SLC66A1: variants seen among roughly 807,000 people sequenced by gnomAD.
The protein encoded by SLC66A1 is lysosomal amino acid transporter 1 homolog.
A neutral mutation model predicts 33.0 loss-of-function variants in SLC66A1; 23 were observed. The ratio of observed to expected loss-of-function variants is 0.70; its 90% CI spans 0.50 to 0.99. SLC66A1 has a LOEUF of 0.99. SLC66A1 is among the 50% of genes least tolerant of loss of function. The pLI is 0.00. For synonymous variants in SLC66A1, 164 were observed against 175.5 expected, an observed-to-expected ratio of 0.93 and a Z score of 0.52; for missense variants, 335 against 383.6, an observed-to-expected ratio of 0.87 and a Z score of 1.06.
At chr1:19,327,550 T>TCCCCCCCC in intron 7 of SLC66A1, 138 bp downstream of exon 7, 2 of 827,712 alleles carry the variant, frequency 2.4e-6, no homozygotes, top group Admixed American at 4.1e-5. Flanking sequence ...CCTCCCTCCC[T>TCCCCCCCC]CCCTCCATCT....
At chr1:19,322,772 G>C (rs1485471656) in intron 2 of SLC66A1, among the ~76,000 whole-genome samples, 1 of 152,186 alleles carries the variant, frequency 6.6e-6, no homozygotes, top group African/African-American at 2.4e-5. Context: ...GGCGAGCCTG[G>C]GGCCTTGCAA....
rs931403409 is a variant in SLC66A1 at position 19,328,776 on chromosome 1, C to T, written c.*133C>T. On this transcript the variant is annotated 3_prime_UTR_variant, in exon 8 of 8. Transcript: ENST00000375153. The surrounding 1 kb of genome is among the most constrained non-coding windows in gnomAD (Gnocchi z 4.7). Reference sequence around the variant, plus strand: ...CCTCTGGATCCTCCGTGGACCGAACCGTCCCCCCAGGAACACACCTTCAGG... The same window carrying T: ...CCTCTGGATCCTCCGTGGACCGAACTGTCCCCCCAGGAACACACCTTCAGG... 2.0e-6 allele frequency: 2 copies of T among 977,578 alleles called. No individual in the cohort carries two copies. The highest frequency in any genetic ancestry group is 2.6e-5 in the East Asian group (1 of 38,018). The allele number at this position is 977,578 out of a possible 1,614,324, so 60.6% of individuals were successfully genotyped here. A position where few individuals can be genotyped will look rare whatever the true frequency, so the allele number is the denominator to read the frequency against.
intron 1 of SLC66A1, chr1:19,313,136 G>A (rs931980633): frequency 1.9e-5 from 17 of 916,202 alleles, no homozygotes; most frequent in African/African-American, 3.6e-5. Flanking sequence ...TAGGTGGTGG[G>A]TATTGCATTA....
intron 2 of SLC66A1, among the ~76,000 whole-genome samples, chr1:19,319,603 A>ATTT (rs1472435408): frequency 2.0e-5 from 1 of 51,088 alleles, no homozygotes; most frequent in African/African-American, 1.0e-4. Flanking sequence ...GTGCACATTC[A>ATTT]TGTTTTTTTT....
intron 3 of SLC66A1, 119 bp downstream of exon 3, chr1:19,324,881 C>A: frequency 7.3e-7 from 1 of 1,372,260 alleles, no homozygotes; most frequent in Non-Finnish European, 9.8e-7. Flanking sequence ...ACCCGTCATT[C>A]CATCTTGTGG....
At chr1:19,331,332 C>T (rs1384317622), downstream of SLC66A1, among the ~76,000 whole-genome samples, 1 of 152,048 alleles carries the variant, frequency 6.6e-6, no homozygotes, top group African/African-American at 2.4e-5. Context: ...TTTTTATGGC[C>T]ATTTTACAGA....
downstream of SLC66A1, among the ~76,000 whole-genome samples, chr1:19,332,183 T>G (rs920721599): frequency 2.0e-5 from 3 of 152,190 alleles, no homozygotes; most frequent in Non-Finnish European, 4.4e-5. Flanking sequence ...GGTGACATTC[T>G]GATGCTGGAG....
At chr1:19,333,321 C>T (rs900942480), downstream of SLC66A1, among the ~76,000 whole-genome samples, 1 of 152,152 alleles carries the variant, frequency 6.6e-6, no homozygotes, top group African/African-American at 2.4e-5. This position sits in a 1 kb window ranked among gnomAD's most constrained non-coding sequence, Gnocchi z 4.2. Flanking sequence ...GATCCTCCCA[C>T]TTGAGTGCCA....
At chr1:19,315,879 C>T (rs540952714) in intron 1 of SLC66A1, among the ~76,000 whole-genome samples, 18 of 152,226 alleles carry the variant, frequency 1.2e-4, no homozygotes, top group Non-Finnish European at 2.1e-4. Context: ...GGCTGGGTGG[C>T]GCTGGCACAT....
chr1:19,326,163 C>A lies in SLC66A1; in HGVS notation c.383-82C>A, dbSNP rs959570133. On this transcript the variant is annotated intron_variant, in intron 4 of 7. Transcript: ENST00000375153. ...CCAAGGTCACACAGCCCCTGAGGGG[C>A]AAGGCCAGGACTTAGCACCCTCCCC... The A allele has an allele frequency of 4.4e-6, 6 of 1,374,110 alleles. No individual in the cohort carries two copies. In the Admixed American group the frequency reaches 8.0e-5, roughly 18 times the overall value. 85.1% of individuals were successfully genotyped at this position (1,374,110 alleles called of 1,614,324 possible).
Position 19,326,605 on chromosome 1 carries a change from G to T in SLC66A1, c.600G>T (p.Leu200=), listed in dbSNP as rs562769354. Residue 200 remains leucine, a synonymous_variant, in exon 6 of 8, where the codon CTG becomes CTT. Coordinates refer to ENST00000375153, the MANE Select transcript of SLC66A1 (RefSeq NM_001040125.2). ...GCGTGTTGTACCTGCTTTCCCGGCT[G>T]CCTCAGATCCGCACCAACGTGAGCC... The part of the protein sequence containing the change: ...ISSVLYLLSR[L]PQIRTNFLRK... 2 of 1,614,104 alleles carry T rather than the reference G, an allele frequency of 1.2e-6. No individual in the cohort carries two copies. Among genetic ancestry groups the T allele is most frequent in the African/African-American group, 2.7e-5 (2 of 74,950 alleles).
intron 1 of SLC66A1, among the ~76,000 whole-genome samples, chr1:19,316,209 G>T (rs1168335014): frequency 6.6e-6 from 1 of 152,162 alleles, no homozygotes; most frequent in African/African-American, 2.4e-5. Flanking sequence ...CCTGCTGTTA[G>T]GCATCCCCCC....
chr1:19,327,661 C>T (rs1302039464), intron 7 of SLC66A1: 1 of 689,946 alleles, frequency 1.4e-6, no homozygotes, highest in Admixed American at 2.0e-5. Flanking sequence ...AAGCTTACAG[C>T]CCAGCGGGGC....
Position 19,326,536 on chromosome 1 carries a change from CA to C in SLC66A1, c.532del (p.Thr178ProfsTer46). Reference protein sequence around the residue: ...LSVESGSKPFTRQEVIGFVIG... With the variant: ...LSVESGSKPFXRQEVIGFVIG... ...TGCCCCCTTCTGCCCCACAGCCCTT[CA>C]CCCGGCAGGAAGTCATTGGCTTCGT... On this transcript the variant is annotated frameshift_variant, in exon 6 of 8. Coordinates refer to ENST00000375153, the MANE Select transcript of SLC66A1 (RefSeq NM_001040125.2). LOFTEE classifies it high-confidence loss of function. The C allele has an allele frequency of 6.2e-7, 1 of 1,614,244 alleles. No individual in the cohort carries two copies. Among genetic ancestry groups the C allele is most frequent in the Non-Finnish European group, 8.5e-7 (1 of 1,180,044 alleles).
At chr1:19,316,140 C>G (rs891511817) in intron 1 of SLC66A1, among the ~76,000 whole-genome samples, 1 of 152,214 alleles carries the variant, frequency 6.6e-6, no homozygotes, top group African/African-American at 2.4e-5. Flanking sequence ...CTGCCCACCC[C>G]TGCGATCAGC....
chr1:19,326,536 C>T lies in SLC66A1; in HGVS notation c.531C>T (p.Phe177=). The change falls in exon 6 of 8, where the codon TTC becomes TTT. Residue 177 remains phenylalanine, a synonymous_variant. Transcript: ENST00000375153. ...TGCCCCCTTCTGCCCCACAGCCCTT[C>T]ACCCGGCAGGAAGTCATTGGCTTCG... ...LLSVESGSKP[F]TRQEVIGFVI... 3.1e-6 allele frequency: 5 copies of T among 1,614,244 alleles called. No individual in the cohort carries two copies. The highest frequency in any genetic ancestry group is 3.4e-6 in the Non-Finnish European group (4 of 1,180,044).
At chr1:19,327,643 T>G in intron 7 of SLC66A1, 1 of 707,456 alleles carries the variant, frequency 1.4e-6, no homozygotes, top group Non-Finnish European at 2.6e-6. Context: ...CAGCCATGAG[T>G]GCCCCAGAAG....
chr1:19,327,978 A>G, intron 7 of SLC66A1: 1 of 258,332 alleles, frequency 3.9e-6, no homozygotes, highest in Non-Finnish European at 7.7e-6. Context: ...CAGGGCACAC[A>G]GTCAACCTCT....
At chr1:19,317,390 G>A (rs7528174) in intron 1 of SLC66A1, among the ~76,000 whole-genome samples, 6,458 of 152,284 alleles carry the variant, frequency 0.042, 443 homozygotes, top group African/African-American at 0.14. Flanking sequence ...CCAGCACGCT[G>A]CCTGCATGTG....
Sources: allele counts gnomAD v4.1 joint callset (sites outside exome capture counted in the v4.1 genomes callset), GRCh38; gene constraint gnomAD v4.1.1; non-coding constraint Gnocchi (gnomAD v3.1); transcripts MANE v1.5; gene names NCBI Gene and HGNC (gene_info 2026-07-23, HGNC 2026-07-21).